The following THAP2 variants were observed in gnomAD, a reference collection of about 807,000 sequenced individuals.
The protein encoded by THAP2 is THAP domain containing 2.
In THAP2, 16 loss-of-function variants were observed where a neutral mutation model predicts 18.8. The ratio of observed to expected loss-of-function variants is 0.85; its 90% confidence interval spans 0.58 to 1.29. THAP2 has a LOEUF of 1.29. THAP2 is among the 50% of genes most tolerant of loss of function. The probability of loss-of-function intolerance (pLI) is 0.00; values close to 1 mark genes in which losing one functional copy is unlikely to be tolerated. For synonymous variants in THAP2, 80 were observed against 89.2 expected (o/e 0.90, Z 0.58); for missense variants, 251 against 265.3 (o/e 0.95, Z 0.38).
intron 1 of THAP2, among the ~76,000 whole-genome samples, chr12:71,669,961 A>T: frequency 6.6e-6 from 1 of 151,692 alleles, no homozygotes; most frequent in African/African-American, 2.4e-5. Flanking sequence ...CCGTCTCAAA[A>T]AAAAAAAAAA....
chr12:71,668,659 C>G (rs927040331), intron 1 of THAP2, among the ~76,000 whole-genome samples: 1 of 152,136 alleles, frequency 6.6e-6, no homozygotes, highest in African/African-American at 2.4e-5. Context: ...TATTTTGTTT[C>G]CTACTGTGTC....
intron 1 of THAP2, among the ~76,000 whole-genome samples, chr12:71,672,483 A>T (rs1881457884): frequency 1.3e-5 from 2 of 152,318 alleles, no homozygotes; most frequent in African/African-American, 4.8e-5. Context: ...TCTAAAAAAA[A>T]ACTACCTCTA....
intron 1 of THAP2, among the ~76,000 whole-genome samples, chr12:71,669,984 T>C (rs1045281286): frequency 2.0e-5 from 3 of 151,738 alleles, no homozygotes; most frequent in Non-Finnish European, 2.9e-5. Flanking sequence ...CTCTATTTTC[T>C]TGTAAAATAG....
chr12:71,666,880 A>ATG (rs1881352661), intron 1 of THAP2, among the ~76,000 whole-genome samples: 1 of 152,092 alleles, frequency 6.6e-6, no homozygotes, highest in South Asian at 2.1e-4. Context: ...GACTACAGGC[A>ATG]TGCCCACATG....
intron 1 of THAP2, among the ~76,000 whole-genome samples, chr12:71,667,052 C>G (rs1029787190): frequency 6.6e-6 from 1 of 152,166 alleles, no homozygotes; most frequent in African/African-American, 2.4e-5. Flanking sequence ...TTCTGTATCT[C>G]TATGTGCAAG....
rs555141628 is a variant in THAP2, at chr12:71,664,334, T to A, written c.-176T>A. On this transcript the variant is annotated 5_prime_UTR_variant, in exon 1 of 3. Coordinates refer to ENST00000308086, the MANE Select transcript of THAP2 (RefSeq NM_031435.4). ...ATATTAATAAAGAGAAAGGGAAGGCTGACCGTCCTTCGCCTCCGCCCCCAC... is the reference window on the plus strand; with the variant it reads ...ATATTAATAAAGAGAAAGGGAAGGCAGACCGTCCTTCGCCTCCGCCCCCAC... 1.5e-6 allele frequency: 1 copy of A among 664,852 alleles called. No homozygotes were observed. Among genetic ancestry groups the A allele is most frequent in the African/African-American group, 1.8e-5 (1 of 55,206 alleles). The allele number at this position is 664,852 out of a possible 1,614,324, so 41.2% of individuals were successfully genotyped here.
intron 2 of THAP2, among the ~76,000 whole-genome samples, chr12:71,676,064 G>A (rs1261730750): frequency 6.6e-6 from 1 of 151,932 alleles, no homozygotes; most frequent in Non-Finnish European, 1.5e-5. Flanking sequence ...TATTTAGTGG[G>A]TAGAATTAAT....
At chr12:71,670,347 C>T (rs1387062617) in intron 1 of THAP2, among the ~76,000 whole-genome samples, 1 of 152,150 alleles carries the variant, frequency 6.6e-6, no homozygotes, top group Non-Finnish European at 1.5e-5. Flanking sequence ...AATGTTGATT[C>T]TTATATTTCC....
At chr12:71,676,605 T>C in intron 2 of THAP2, 84 bp from the exon 3 acceptor site, 1 of 1,400,820 alleles carries the variant, frequency 7.1e-7, no homozygotes. Context: ...GCAGTTTAAA[T>C]ACTGTTATCC....
At chr12:71,665,228 A>AAC in intron 1 of THAP2, 1 of 419,166 alleles carries the variant, frequency 2.4e-6, no homozygotes, top group Non-Finnish European at 4.3e-6. Context: ...CCTGGAAAAT[A>AAC]ACAGGTACTC....
Position 71,664,345 on chromosome 12 carries a change from C to T in THAP2, c.-165C>T, listed in dbSNP as rs1745123503. The T allele has an allele frequency of 7.0e-6, 5 of 718,284 alleles. No homozygotes were observed. Among genetic ancestry groups the T allele is most frequent in the Non-Finnish European group, 1.2e-5 (5 of 428,426 alleles). The allele number at this position is 718,284 out of a possible 1,614,324, so 44.5% of individuals were successfully genotyped here. ...GAGAAAGGGAAGGCTGACCGTCCTT[C>T]GCCTCCGCCCCCACATACACACCCC... On this transcript the variant is annotated 5_prime_UTR_variant, in exon 1 of 3. Coordinates refer to ENST00000308086, the MANE Select transcript of THAP2 (RefSeq NM_031435.4).
intron 1 of THAP2, among the ~76,000 whole-genome samples, chr12:71,666,497 A>G (rs553379402): frequency 6.6e-6 from 1 of 152,290 alleles, no homozygotes; most frequent in East Asian, 1.9e-4. Flanking sequence ...TGGGCAATAC[A>G]GTGAGACCCT....
chr12:71,666,890 G>A (rs1274551154), intron 1 of THAP2, among the ~76,000 whole-genome samples: 1 of 152,038 alleles, frequency 6.6e-6, no homozygotes, highest in Non-Finnish European at 1.5e-5. Context: ...ATGCCCACAT[G>A]CCTGGCTAAT....
At position 71,677,336 on chromosome 12, in the gene THAP2, T is replaced by C; in HGVS notation, c.*228T>C. The C allele has an allele frequency of 2.9e-6, 1 of 343,504 alleles. No homozygotes were observed. The highest frequency in any genetic ancestry group is 5.1e-6 in the Non-Finnish European group (1 of 195,998). 21.3% of individuals were successfully genotyped at this position (343,504 alleles called of 1,614,324 possible). A position where few individuals can be genotyped will look rare whatever the true frequency, so the allele number is the denominator to read the frequency against. On this transcript the variant is annotated 3_prime_UTR_variant, in exon 3 of 3. Coordinates refer to ENST00000308086, the MANE Select transcript of THAP2 (RefSeq NM_031435.4). ...ATTACGGACTTAAAAATTTTGCTAA[T>C]AAATTGTGTGTTTGAAAGGTGTTTT...
rs1474510492 is a variant in THAP2, at chr12:71,677,408, A to C, written c.*300A>C. Reference sequence around the variant, plus strand: ...ACTGTTAAAAGAACAGCTTATGATAAGTAATATGTTTAACTTAGAGAAGAA... The same window carrying C: ...ACTGTTAAAAGAACAGCTTATGATACGTAATATGTTTAACTTAGAGAAGAA... On this transcript the variant is annotated 3_prime_UTR_variant, in exon 3 of 3. Transcript: ENST00000308086. 1 of 185,980 alleles carries C rather than the reference A, an allele frequency of 5.4e-6. No individual in the cohort carries two copies. Among genetic ancestry groups the C allele is most frequent in the African/African-American group, 2.4e-5 (1 of 42,404 alleles). 11.5% of individuals were successfully genotyped at this position (185,980 alleles called of 1,614,324 possible).
chr12:71,666,036 G>C (rs997217181), intron 1 of THAP2, among the ~76,000 whole-genome samples: 2 of 152,094 alleles, frequency 1.3e-5, no homozygotes, highest in Non-Finnish European at 2.9e-5. Context: ...TGAGCTGACA[G>C]AGAAAAACTA....
chr12:71,675,492 A>G (rs1356605368), intron 2 of THAP2, among the ~76,000 whole-genome samples: 1 of 152,150 alleles, frequency 6.6e-6, no homozygotes, highest in Non-Finnish European at 1.5e-5. Flanking sequence ...ATCTAAGCTC[A>G]GTGCTAGAGA....
Position 71,664,563 on chromosome 12 carries a change from T to C in THAP2, c.54T>C (p.Ile18=), listed in dbSNP as rs150274995. 348 of 1,614,026 alleles carry C rather than the reference T, an allele frequency of 2.2e-4. No homozygotes were observed. The highest frequency in any genetic ancestry group is 2.9e-4 in the Non-Finnish European group (339 of 1,180,026). The change falls in exon 1 of 3, where the codon ATT becomes ATC. Residue 18 remains isoleucine (I), a synonymous_variant. Transcript: ENST00000308086. ...AGCATTYNKH[I]NISFHRFPLD... is the part of the protein sequence containing the mutation. ...GTGCCACTACCTACAACAAGCACAT[T>C]AACATCAGCTTCCACAGGTAACCTG...
In THAP2 at chr12:71,674,238, T is replaced by G. The variant is rs768005414; in HGVS notation, c.107T>G (p.Val36Gly). 13 of 1,610,830 alleles carry G rather than the reference T, an allele frequency of 8.1e-6. No homozygotes were observed. In the East Asian group the frequency reaches 2.9e-4, roughly 36 times the overall value. ...GATCCTAAAAGAAGAAAAGAATGGGTTCGCCTGGTTAGGCGCAAAAATTTT... is the reference window on the plus strand; with the variant it reads ...GATCCTAAAAGAAGAAAAGAATGGGGTCGCCTGGTTAGGCGCAAAAATTTT... ...PLDPKRRKEW[V>G]RLVRRKNFVP... Residue 36 changes from valine (V) to glycine (G), a missense_variant, in exon 2 of 3, where the codon GTT becomes GGT. Val to Gly is a moderately radical substitution (Grantham distance 109). Transcript: ENST00000308086.
Sources: gnomAD v4.1 joint callset for allele counts (sites outside exome capture counted in the v4.1 genomes callset) on GRCh38, gnomAD v4.1.1 for gene constraint, MANE v1.5 for transcripts, NCBI Gene and HGNC (gene_info 2026-07-23, HGNC 2026-07-21) for gene names.